The following NPHP1 variants were observed in gnomAD, a reference collection of about 807,000 sequenced individuals.
NPHP1 encodes nephrocystin-1.
In NPHP1, 70 loss-of-function variants were observed where a neutral mutation model predicts 90.4. That is an observed-to-expected ratio of 0.77 (90% confidence interval 0.64 to 0.95). The LOEUF (loss-of-function observed/expected upper bound fraction) is 0.95, where lower values mean the gene tolerates loss of function less well. Ranked by LOEUF, NPHP1 falls within the 40% of genes least tolerant of loss-of-function variation. NPHP1 has a pLI of 0.00. For synonymous variants in NPHP1, 256 were observed against 271.7 expected, an observed-to-expected ratio of 0.94 and a Z score of 0.57; for missense variants, 764 against 795.9, an observed-to-expected ratio of 0.96 and a Z score of 0.48.
intron 2 of NPHP1, among the ~76,000 whole-genome samples, chr2:110,191,004 A>C (rs578248017): frequency 6.6e-6 from 1 of 152,274 alleles, no homozygotes; most frequent in East Asian, 1.9e-4. Flanking sequence ...AGATGTTGGC[A>C]AAATTGCAGA....
chr2:110,125,541 A>T, intron 19 of NPHP1, 96 bp downstream of exon 19: 1 of 1,270,136 alleles, frequency 7.9e-7, no homozygotes, highest in Non-Finnish European at 1.2e-6. Flanking sequence ...GATTATGACT[A>T]TGGCTACTTT....
intron 18 of NPHP1, chr2:110,126,103 G>A (rs763046626): frequency 7.6e-5 from 17 of 223,628 alleles, no homozygotes; most frequent in Non-Finnish European, 1.3e-4. Flanking sequence ...GTCAGAATGA[G>A]ACAGACTGAA....
intron 2 of NPHP1, among the ~76,000 whole-genome samples, chr2:110,192,154 G>T (rs754530171): frequency 2.6e-5 from 4 of 152,180 alleles, no homozygotes; most frequent in Admixed American, 6.5e-5. Context: ...AAAGCTGGAC[G>T]GAGAATGACT....
At chr2:110,203,842 CAGGCTAGTCT>C (rs2104723984) in intron 1 of NPHP1, among the ~76,000 whole-genome samples, 1 of 151,702 alleles carries the variant, frequency 6.6e-6, no homozygotes, top group East Asian at 1.9e-4. Context: ...TTATGTTGCC[CAGGCTAGTCT>C]CGAACTCCTG....
Position 110,123,546 on chromosome 2 carries a change from T to C in NPHP1, c.*245A>G. 1 of 402,142 alleles carries C rather than the reference T, an allele frequency of 2.5e-6. No individual in the cohort carries two copies. The highest frequency in any genetic ancestry group is 4.4e-6 in the Non-Finnish European group (1 of 227,716). The allele number at this position is 402,142 out of a possible 1,614,324, so 24.9% of individuals were successfully genotyped here. A position where few individuals can be genotyped will look rare whatever the true frequency, so the allele number is the denominator to read the frequency against. ...CTATACCATTAACTTAAGTAGCTGT[T>C]TTTGAAAAAATAAATACTGTTTAAA... On this transcript the variant is annotated 3_prime_UTR_variant, in exon 20 of 20. Transcript: ENST00000445609.
chr2:110,203,572 A>C (rs1019917246), intron 1 of NPHP1, among the ~76,000 whole-genome samples: 2 of 152,138 alleles, frequency 1.3e-5, no homozygotes, highest in East Asian at 3.9e-4. Flanking sequence ...CTAAATATTT[A>C]CCTTCCAAAT....
intron 6 of NPHP1, among the ~76,000 whole-genome samples, chr2:110,165,486 A>C (rs1305742690): frequency 6.6e-6 from 1 of 152,090 alleles, no homozygotes; most frequent in East Asian, 1.9e-4. Flanking sequence ...GAAAAGACGT[A>C]AAGATAAAAA....
In NPHP1 at chr2:110,201,487, C is replaced by A; in HGVS notation, c.77G>T (p.Ser26Ile). 6.2e-7 allele frequency: 1 copy of A among 1,606,856 alleles called. No individual in the cohort carries two copies. Among genetic ancestry groups the A allele is most frequent in the Non-Finnish European group, 8.5e-7 (1 of 1,174,756 alleles). ...TTTCAGTTGGCTCTCAGAAAGCAAA[C>A]TATCAACCTATGGAGACCATTTAAA... ...RNQELKQQVD[S>I]LLSESQLKEA... The change falls in exon 2 of 20, where the codon AGT becomes ATT. Residue 26 changes from serine to isoleucine, a missense_variant. By Grantham distance (142) the Ser-to-Ile change is moderately radical (BLOSUM62 -2). Transcript: ENST00000445609.
intron 17 of NPHP1, among the ~76,000 whole-genome samples, chr2:110,129,881 T>C (rs1253668130): frequency 1.3e-5 from 2 of 152,184 alleles, no homozygotes; most frequent in Non-Finnish European, 2.9e-5. Context: ...AGGAAAGACA[T>C]GTCTTAGTCT....
At chr2:110,184,842 T>A (rs1313123341) in intron 2 of NPHP1, 5 of 704,068 alleles carry the variant, frequency 7.1e-6, no homozygotes, top group Non-Finnish European at 1.3e-5. Context: ...CCTTCCCAAT[T>A]CCGGGCCCCT....
chr2:110,184,049 C>T (rs1261685592), intron 2 of NPHP1: 6 of 499,392 alleles, frequency 1.2e-5, no homozygotes, highest in Admixed American at 2.1e-5. Context: ...GGAGAGATTC[C>T]TCTGCCGTGG....
intron 12 of NPHP1, among the ~76,000 whole-genome samples, chr2:110,148,477 C>T (rs746573885): frequency 8.9e-4 from 135 of 152,092 alleles, no homozygotes; most frequent in Non-Finnish European, 1.2e-3. Context: ...GCAAGAACGG[C>T]CTCACACAGG....
chr2:110,194,910 ATG>A (rs1462065027), intron 2 of NPHP1, among the ~76,000 whole-genome samples: 3 of 76,434 alleles, frequency 3.9e-5, no homozygotes, highest in African/African-American at 1.1e-4. Flanking sequence ...CAAAAACCAC[ATG>A]ATTATCTCAA....
intron 2 of NPHP1, among the ~76,000 whole-genome samples, chr2:110,193,877 G>A (rs1277867438): frequency 6.6e-6 from 1 of 152,052 alleles, no homozygotes; most frequent in Non-Finnish European, 1.5e-5. Context: ...TAAACCACAT[G>A]GAAACTGAAC....
chr2:110,162,679 G>A lies in NPHP1; in HGVS notation c.859+369C>T, dbSNP rs1166124287. ...GAAAAGGAGGTTTTGGCTAGAATGGGATAGGATTCAAGGGGCTGATCCTTT... is the reference window on the plus strand; with the variant it reads ...GAAAAGGAGGTTTTGGCTAGAATGGAATAGGATTCAAGGGGCTGATCCTTT... On this transcript the variant is annotated intron_variant, in intron 9 of 19. Coordinates refer to ENST00000445609, the MANE Select transcript of NPHP1 (RefSeq NM_001128178.3). 2.0e-5 allele frequency among the ~76,000 whole-genome samples: 3 copies of A among 152,160 alleles called. 1 individual carries two copies. In the South Asian group the frequency reaches 6.2e-4, roughly 32 times the overall value.
In NPHP1 at chr2:110,172,359, T is replaced by C. The variant is rs773912204; in HGVS notation, c.330-2361A>G. Among the ~76,000 whole-genome samples, 12 of 152,190 alleles carry C rather than the reference T, an allele frequency of 7.9e-5. 1 individual carries two copies. Among genetic ancestry groups the C allele is most frequent in the Non-Finnish European group, 1.3e-4 (9 of 68,028 alleles). Reference sequence around the variant, plus strand: ...TACTGTATGTCTGTTTATTGTTCACTGTTTTCTGCTTTTATTTTTATTATT... The same window carrying C: ...TACTGTATGTCTGTTTATTGTTCACCGTTTTCTGCTTTTATTTTTATTATT... On this transcript the variant is annotated intron_variant, in intron 4 of 19. Coordinates refer to ENST00000445609, the MANE Select transcript of NPHP1 (RefSeq NM_001128178.3).
chr2:110,181,984 T>A (rs952245291), intron 2 of NPHP1, among the ~76,000 whole-genome samples: 1 of 152,152 alleles, frequency 6.6e-6, no homozygotes, highest in African/African-American at 2.4e-5. Context: ...AACTTTATAA[T>A]GCAATCACAA....
rs753517219 is a variant in NPHP1, at chr2:110,165,137, C to T, written c.643G>A (p.Glu215Lys). The T allele has an allele frequency of 1.2e-6, 2 of 1,612,998 alleles. No individual in the cohort carries two copies. Among genetic ancestry groups the T allele is most frequent in the South Asian group, 2.2e-5 (2 of 91,046 alleles). ...CCCTCTTCACTTGACTCTTGGCCTT[C>T]TTCTTCTTCACTATAAGGCTAAAAA... ...TYLEPYSEEE[E>K]GQESSEEGSE... The change falls in exon 7 of 20, where the codon GAA (glutamate) becomes AAA (lysine). Residue 215 changes from glutamate (E) to lysine (K), a missense_variant. Coordinates refer to ENST00000445609, the MANE Select transcript of NPHP1 (RefSeq NM_001128178.3).
intron 8 of NPHP1, chr2:110,164,422 A>G: frequency 2.7e-6 from 2 of 741,246 alleles, no homozygotes; most frequent in Admixed American, 4.1e-5. Flanking sequence ...ATGATAGGAA[A>G]GCAGGATCAA....
Sources: gnomAD v4.1 joint callset for allele counts (sites outside exome capture counted in the v4.1 genomes callset) on GRCh38, gnomAD v4.1.1 for gene constraint, MANE v1.5 for transcripts, NCBI Gene and HGNC (gene_info 2026-07-23, HGNC 2026-07-21) for gene names.